Variants in CDH23 observed in about 807,000 individuals in gnomAD.
The protein encoded by CDH23 is cadherin-23.
CDH23 carries 189 observed loss-of-function variants against 317.1 expected under a neutral mutation model. That is an observed-to-expected ratio of 0.60 (90% confidence interval 0.53 to 0.67). CDH23 has a LOEUF of 0.67. CDH23 is among the 30% of genes least tolerant of loss of function. CDH23 has a pLI of 0.00. For missense variants in CDH23, 4,401 were observed against 4,592.4 expected, an observed-to-expected ratio of 0.96 and a Z score of 1.20; for synonymous variants, 1,839 against 1,876.8, an observed-to-expected ratio of 0.98 and a Z score of 0.52.
At chr10:71,648,012 T>C (rs1447677065) in intron 14 of CDH23, 5 of 152,232 alleles carry the variant, frequency 3.3e-5, no homozygotes, top group African/African-American at 1.2e-4. Context: ...CGCTCCGAAG[T>C]GTGTTTACTC....
chr10:71,530,746 A>G (rs1855327263), intron 6 of CDH23, among the ~76,000 whole-genome samples: 1 of 152,334 alleles, frequency 6.6e-6, no homozygotes, highest in South Asian at 2.1e-4. Flanking sequence ...TGTCCGACCA[A>G]TGCACAGCAT....
Position 71,751,724 on chromosome 10 carries a change from T to A in CDH23, c.4845+9803T>A, listed in dbSNP as rs1171568233. 6.3e-7 allele frequency: 1 copy of A among 1,582,786 alleles called. No homozygotes were observed. Among genetic ancestry groups the A allele is most frequent in the African/African-American group, 1.4e-5 (1 of 73,710 alleles). On this transcript the variant is annotated intron_variant, in intron 38 of 69. Transcript: ENST00000224721. This position sits in a 1 kb window ranked among gnomAD's most constrained non-coding sequence, Gnocchi z 4.9. ...TGGAGGAGACAGGGGGGTGCTGGGC[T>A]CCGAAAGCAGATGCCGCCCAGACTC... is the stretch of plus-strand genomic sequence containing the variant.
chr10:71,717,354 C>A (rs1866312011), intron 28 of CDH23: 1 of 152,262 alleles, frequency 6.6e-6, no homozygotes, highest in Non-Finnish European at 1.5e-5. Context: ...CTTGCCACCC[C>A]TCTGGCCCCC....
At chr10:71,755,196 G>A (rs773265210) in intron 38 of CDH23, 41 of 745,680 alleles carry the variant, frequency 5.5e-5, no homozygotes, top group Non-Finnish European at 7.5e-5. Flanking sequence ...CCTTTCTCTC[G>A]GCCATTTCGC....
chr10:71,778,154 T>A, intron 39 of CDH23, 35 bp from the exon 40 acceptor site: 1 of 1,613,094 alleles, frequency 6.2e-7, no homozygotes, highest in Non-Finnish European at 8.5e-7. Context: ...CTACCACCCC[T>A]AGATCCATCC....
At position 71,682,517 on chromosome 10, in the gene CDH23, T is replaced by C. The variant is rs1163722881; in HGVS notation, c.1931T>C (p.Met644Thr). The C allele has an allele frequency of 6.2e-7, 1 of 1,613,712 alleles. No individual in the cohort carries two copies. ...CTGATTTATCTGACGGTCATGGCCA[T>C]GGATGCTGGCAACCCCCCTCTCAAC... ...NGLIYLTVMA[M>T]DAGNPPLNST... The change falls in exon 18 of 70, where the codon ATG becomes ACG. Residue 644 changes from methionine to threonine, a missense_variant. Around this residue, in one of 3 missense-constraint regions of CDH23, gnomAD observed 3,068 missense variants for 3,203.3 expected, o/e 0.96. Coordinates refer to ENST00000224721, the MANE Select transcript of CDH23 (RefSeq NM_022124.6).
chr10:71,597,556 C>A (rs552588144), intron 9 of CDH23, among the ~76,000 whole-genome samples: 4 of 152,064 alleles, frequency 2.6e-5, no homozygotes, highest in African/African-American at 9.6e-5. Flanking sequence ...GTCCTTGGAA[C>A]CTACCTCCCA....
At chr10:71,590,009 A>G (rs993150511) in intron 9 of CDH23, among the ~76,000 whole-genome samples, 1 of 152,208 alleles carries the variant, frequency 6.6e-6, no homozygotes, top group Non-Finnish European at 1.5e-5. Flanking sequence ...AGAACTGGAT[A>G]CTGAACCCAG....
intron 6 of CDH23, among the ~76,000 whole-genome samples, chr10:71,559,261 A>G (rs1273514030): frequency 6.6e-6 from 1 of 152,142 alleles, no homozygotes; most frequent in Non-Finnish European, 1.5e-5. Context: ...GCCCTTGTGG[A>G]TTTGTGCATT....
intron 3 of CDH23, among the ~76,000 whole-genome samples, chr10:71,450,412 C>T (rs1427797132): frequency 6.6e-6 from 1 of 152,052 alleles, no homozygotes; most frequent in Non-Finnish European, 1.5e-5. Flanking sequence ...ATTACAGGCA[C>T]ACGCCACCAC....
At chr10:71,581,456 C>G (rs932112849) in intron 9 of CDH23, among the ~76,000 whole-genome samples, 28 of 152,334 alleles carry the variant, frequency 1.8e-4, no homozygotes, top group African/African-American at 6.3e-4. Flanking sequence ...CCGTGGCCCA[C>G]AGTTAACTTG....
intron 38 of CDH23, among the ~76,000 whole-genome samples, chr10:71,760,167 ACATATATATG>A (rs766613446): frequency 0.09 from 2,115 of 23,520 alleles, 298 homozygotes; most frequent in Middle Eastern, 0.27. Context: ...ATATGTATAT[ACATATATATG>A]TGTGTATATA....
intron 11 of CDH23, among the ~76,000 whole-genome samples, chr10:71,634,644 A>G (rs1270980497): frequency 6.6e-6 from 1 of 152,242 alleles, no homozygotes; most frequent in Non-Finnish European, 1.5e-5. Context: ...AGAAGAGGAC[A>G]TGGCCTGGCT....
At chr10:71,657,603 C>T (rs528284293) in intron 14 of CDH23, among the ~76,000 whole-genome samples, 5 of 152,244 alleles carry the variant, frequency 3.3e-5, no homozygotes, top group African/African-American at 7.2e-5. Context: ...GAGGACAAGC[C>T]GGTCAGAGCA....
Position 71,559,847 on chromosome 10 carries a change from A to C in CDH23, c.430-6895A>C, listed in dbSNP as rs193013492. Among the ~76,000 whole-genome samples, 88 of 152,354 alleles carry C rather than the reference A, an allele frequency of 5.8e-4. 2 individuals carry two copies. The East Asian group carries it at 0.013, about 23-fold the overall frequency. On this transcript the variant is annotated intron_variant, in intron 6 of 69. Transcript: ENST00000224721. ...TAGAAAGAAGAGATGTCGTCAAATT[A>C]TCGCTCCCCGATTCCTCCAGGCAGA...
At chr10:71,534,885 G>A (rs1345959961) in intron 6 of CDH23, among the ~76,000 whole-genome samples, 3 of 152,242 alleles carry the variant, frequency 2.0e-5, no homozygotes, top group Admixed American at 2.0e-4. Context: ...GGCTCCTGGA[G>A]GCCCCTCCTG....
chr10:71,603,613 A>AG (rs113275050), intron 9 of CDH23, among the ~76,000 whole-genome samples: 12 of 152,268 alleles, frequency 7.9e-5, no homozygotes, highest in African/African-American at 2.2e-4. Flanking sequence ...AGCAGGCAGC[A>AG]GGGGGGGCCT....
At chr10:71,530,686 C>T (rs1399330730) in intron 6 of CDH23, among the ~76,000 whole-genome samples, 1 of 152,332 alleles carries the variant, frequency 6.6e-6, no homozygotes, top group Non-Finnish European at 1.5e-5. Context: ...TCACAGCCTT[C>T]GTGACCATCA....
At chr10:71,597,224 G>A (rs1480556377) in intron 9 of CDH23, among the ~76,000 whole-genome samples, 1 of 152,090 alleles carries the variant, frequency 6.6e-6, no homozygotes, top group African/African-American at 2.4e-5. Flanking sequence ...GGGGAGCAGA[G>A]CAGGCATCGC....
Sources: gnomAD v4.1 joint callset for allele counts (sites outside exome capture counted in the v4.1 genomes callset) on GRCh38, gnomAD v4.1.1 for gene constraint, gnomAD v4.1.1 regional missense constraint, Gnocchi (gnomAD v3.1) non-coding constraint, MANE v1.5 for transcripts, NCBI Gene and HGNC (gene_info 2026-07-23, HGNC 2026-07-21) for gene names.